SCN3A: variants seen among roughly 807,000 people sequenced by gnomAD.
SCN3A encodes sodium voltage-gated channel alpha subunit 3.
Under a neutral mutation model 187.6 loss-of-function variants are expected in SCN3A, and 60 were observed. That is an observed-to-expected ratio of 0.32 (90% CI 0.26 to 0.40). SCN3A has a LOEUF of 0.40. SCN3A is among the 10% of genes least tolerant of loss of function. The pLI, the probability that SCN3A is intolerant of heterozygous loss-of-function variation, is 1.00. For missense variants in SCN3A, 1,601 were observed against 2,428.2 expected (o/e 0.66, Z 7.16); for synonymous variants, 788 against 829.2 (o/e 0.95, Z 0.85).
chr2:165,196,517 G>T (rs1691973925), intron 1 of SCN3A, among the ~76,000 whole-genome samples: 1 of 152,068 alleles, frequency 6.6e-6, no homozygotes, highest in Admixed American at 6.6e-5. Context: ...TTCTCTGAAG[G>T]ACCTGTAGAG....
rs1477240711 is a variant in SCN3A at position 165,113,941 on chromosome 2, C to A, written c.3544G>T (p.Val1182Leu). The change falls in exon 20 of 28, where the codon GTA (valine) becomes TTA (leucine). Residue 1182 changes from valine (V) to leucine (L), a missense_variant. Physicochemically the swap from Val to Leu is conservative, Grantham distance 32. Transcript: ENST00000283254. ...GCIKKFPFCQ[V>L]STEEGKGKIW... ...TTCCCTTTGCCTTCTTCTGTACTTACTTGACAGAATGGAAACTTTTTAATA... is the reference window on the plus strand; with the variant it reads ...TTCCCTTTGCCTTCTTCTGTACTTAATTGACAGAATGGAAACTTTTTAATA... 6 of 1,608,770 alleles carry A rather than the reference C, an allele frequency of 3.7e-6. No individual in the cohort carries two copies. The highest frequency in any genetic ancestry group is 1.7e-4 in the Middle Eastern group (1 of 6,050).
chr2:165,201,414 A>G (rs753112887), intron 1 of SCN3A, among the ~76,000 whole-genome samples: 1 of 152,074 alleles, frequency 6.6e-6, no homozygotes, highest in African/African-American at 2.4e-5. Context: ...CACTAACGAT[A>G]ACAATAATAA....
chr2:165,181,288 G>A lies in SCN3A; in HGVS notation c.-50-4844C>T, dbSNP rs779935056. Among the ~76,000 whole-genome samples, 67 of 152,144 alleles carry A rather than the reference G, an allele frequency of 4.4e-4. 1 individual carries two copies. Among genetic ancestry groups the A allele is most frequent in the Middle Eastern group, 6.8e-3 (2 of 294 alleles). On this transcript the variant is annotated intron_variant, in intron 2 of 27. Transcript: ENST00000283254. Reference sequence around the variant, plus strand: ...TGTGAATATCCTTCTTTAATATCACGTCAAAACTCTACAAATGGTAGTTTA... The same window carrying A: ...TGTGAATATCCTTCTTTAATATCACATCAAAACTCTACAAATGGTAGTTTA...
rs776471502 is a variant in SCN3A, at chr2:165,088,523, T to C, written c.*1627A>G. 6.6e-6 allele frequency: 1 copy of C among 152,342 alleles called. No homozygotes were observed. The highest frequency in any genetic ancestry group is 2.4e-5 in the African/African-American group (1 of 41,398). The allele number at this position is 152,342 out of a possible 1,614,324, so 9.4% of individuals were successfully genotyped here. Reference sequence around the variant, plus strand: ...TGGTAGAAAATGATCTAGGTTTGAGTGTTTGACCAATGTATCTCCTATTGG... The same window carrying C: ...TGGTAGAAAATGATCTAGGTTTGAGCGTTTGACCAATGTATCTCCTATTGG... On this transcript the variant is annotated 3_prime_UTR_variant, in exon 28 of 28. Transcript: ENST00000283254.
chr2:165,160,114 G>C (rs1689267943), intron 9 of SCN3A, among the ~76,000 whole-genome samples: 1 of 130,490 alleles, frequency 7.7e-6, no homozygotes, highest in African/African-American at 3.2e-5. Context: ...GGGCGACAGA[G>C]CTAAACTCCG....
chr2:165,092,045 C>T lies in SCN3A; in HGVS notation c.4807+209G>A. The T allele has an allele frequency of 1.7e-6, 1 of 603,896 alleles. No individual in the cohort carries two copies. The highest frequency in any genetic ancestry group is 2.9e-6 in the Non-Finnish European group (1 of 341,828). 37.4% of individuals were successfully genotyped at this position (603,896 alleles called of 1,614,324 possible). A position where few individuals can be genotyped will look rare whatever the true frequency, so the allele number is the denominator to read the frequency against. On this transcript the variant is annotated intron_variant, in intron 27 of 27. Coordinates refer to ENST00000283254, the MANE Select transcript of SCN3A (RefSeq NM_006922.4). This position sits in a 1 kb window ranked among gnomAD's most constrained non-coding sequence, Gnocchi z 4.2. ...ATTTCCTGTCTTCTTCACCTCTTTC[C>T]CAAATCTGGTATTCCTAACATGGTT...
At position 165,179,033 on chromosome 2, in the gene SCN3A, C is replaced by T. The variant is rs184256380; in HGVS notation, c.-50-2589G>A. Among the ~76,000 whole-genome samples, 308 of 152,118 alleles carry T rather than the reference C, an allele frequency of 2.0e-3. 1 individual carries two copies. The highest frequency in any genetic ancestry group is 3.5e-3 in the Non-Finnish European group (239 of 68,022). ...TCTGTCTGATATCACCTGCCATGAA[C>T]TGAATGGCTGTGGCTCTTCTCCAGT... On this transcript the variant is annotated intron_variant, in intron 2 of 27. Transcript: ENST00000283254.
intron 12 of SCN3A, among the ~76,000 whole-genome samples, chr2:165,146,201 AC>A (rs1180804598): frequency 6.6e-6 from 1 of 151,992 alleles, no homozygotes; most frequent in Non-Finnish European, 1.5e-5. Context: ...TAAAGACAAA[AC>A]CCAAAGAACA....
intron 21 of SCN3A, among the ~76,000 whole-genome samples, chr2:165,112,605 A>G (rs1204799841): frequency 1.3e-5 from 2 of 152,144 alleles, no homozygotes; most frequent in Non-Finnish European, 2.9e-5. Flanking sequence ...TTACTTATCT[A>G]TTACTTACCT....
intron 13 of SCN3A, 113 bp from the exon 14 acceptor site, chr2:165,139,721 C>G: frequency 7.5e-7 from 1 of 1,338,710 alleles, no homozygotes; most frequent in Non-Finnish European, 1.1e-6. Flanking sequence ...TAAGAATTTT[C>G]AAGGAATAAA....
In SCN3A at chr2:165,092,901, A is replaced by T. The variant is rs1443743693; in HGVS notation, c.4537-377T>A. ...GTGAGACCTCATTTCTATTAAAAAAAAATTAGCCTGGTATGGTGGCACAGG... is the reference window on the plus strand; with the variant it reads ...GTGAGACCTCATTTCTATTAAAAAATAATTAGCCTGGTATGGTGGCACAGG... On this transcript the variant is annotated intron_variant, in intron 26 of 27. Coordinates refer to ENST00000283254, the MANE Select transcript of SCN3A (RefSeq NM_006922.4). This position sits in a 1 kb window ranked among gnomAD's most constrained non-coding sequence, Gnocchi z 4.2. 1 of 198,638 alleles carries T rather than the reference A, an allele frequency of 5.0e-6. No homozygotes were observed. The highest frequency in any genetic ancestry group is 2.4e-5 in the African/African-American group (1 of 41,478). The allele number at this position is 198,638 out of a possible 1,614,324, so 12.3% of individuals were successfully genotyped here.
intron 18 of SCN3A, among the ~76,000 whole-genome samples, chr2:165,118,667 T>A (rs1248452061): frequency 6.6e-6 from 1 of 152,086 alleles, no homozygotes; most frequent in East Asian, 1.9e-4. Flanking sequence ...GCTCACTGTA[T>A]CCTCAACATC....
intron 1 of SCN3A, among the ~76,000 whole-genome samples, chr2:165,193,751 G>C (rs1435484152): frequency 6.6e-6 from 1 of 152,052 alleles, no homozygotes; most frequent in East Asian, 1.9e-4. Flanking sequence ...ATTACTTCAA[G>C]ATGGCGGTGT....
intron 11 of SCN3A, among the ~76,000 whole-genome samples, chr2:165,148,836 A>T (rs1203685931): frequency 3.3e-5 from 5 of 152,246 alleles, no homozygotes; most frequent in African/African-American, 1.2e-4. Flanking sequence ...ATAATTCATG[A>T]TGTAAAATGA....
intron 1 of SCN3A, among the ~76,000 whole-genome samples, chr2:165,191,375 G>A (rs114906264): frequency 0.014 from 2,172 of 151,984 alleles, 59 homozygotes; most frequent in African/African-American, 0.049. Context: ...GCCCCCAGAA[G>A]CTACCCAGAA....
At chr2:165,132,355 G>A (rs1687385498) in intron 15 of SCN3A, among the ~76,000 whole-genome samples, 1 of 152,236 alleles carries the variant, frequency 6.6e-6, no homozygotes, top group South Asian at 2.1e-4. Context: ...AAAGCTGGAG[G>A]CATCACACTA....
chr2:165,090,746 C>G lies in SCN3A; in HGVS notation c.5407G>C (p.Asp1803His). The change falls in exon 28 of 28, where the codon GAT becomes CAT. Residue 1803 changes from aspartate to histidine, a missense_variant. This residue lies in a region of SCN3A where 110 missense variants were observed against 175.9 expected (regional missense o/e 0.63). Transcript: ENST00000283254. The surrounding 1 kb of genome is among the most constrained non-coding windows in gnomAD (Gnocchi z 4.0). ...FYEVWEKFDP[D>H]ATQFIEFSKL... ...GAGAACTCTATAAACTGGGTCGCAT[C>G]GGGATCAAACTTTTCCCAAACCTCA... 1 of 1,614,040 alleles carries G rather than the reference C, an allele frequency of 6.2e-7. No homozygotes were observed. Among genetic ancestry groups the G allele is most frequent in the South Asian group, 1.1e-5 (1 of 91,070 alleles).
At position 165,115,654 on chromosome 2, in the gene SCN3A, GA is replaced by G. The variant is rs61539996; in HGVS notation, c.3394-80del. ...ACTGGGAAATACTGTGTCATTGTGT[GA>G]AAAAAAAATAGTAGTGATAGCATTT... On this transcript the variant is annotated intron_variant, in intron 18 of 27. Coordinates refer to ENST00000283254, the MANE Select transcript of SCN3A (RefSeq NM_006922.4). 2,680 of 1,325,820 alleles carry G rather than the reference GA, an allele frequency of 2.0e-3. 6 individuals are homozygous for G. The highest frequency in any genetic ancestry group is 2.6e-3 in the Non-Finnish European group (2,410 of 933,350). The allele number at this position is 1,325,820 out of a possible 1,614,324, so 82.1% of individuals were successfully genotyped here. A position where few individuals can be genotyped will look rare whatever the true frequency, so the allele number is the denominator to read the frequency against.
rs897751720 is a variant in SCN3A, at chr2:165,140,847, C to G, written c.1823G>C (p.Arg608Thr). 3.7e-6 allele frequency: 6 copies of G among 1,614,126 alleles called. No individual in the cohort carries two copies. Among genetic ancestry groups the G allele is most frequent in the Non-Finnish European group, 5.1e-6 (6 of 1,180,012 alleles). ...TCTGTGCGGCACAAACAGTGAGTCTCTCCTGCTTTCGCTGTCTTCAAATGT... is the reference window on the plus strand; with the variant it reads ...TCTGTGCGGCACAAACAGTGAGTCTGTCCTGCTTTCGCTGTCTTCAAATGT... ...HSTFEDSESR[R>T]DSLFVPHRHG... is the part of the protein sequence containing the mutation. The change falls in exon 13 of 28, where the codon AGA becomes ACA. Residue 608 changes from arginine (R) to threonine (T), a missense_variant. Transcript: ENST00000283254. This position sits in a 1 kb window ranked among gnomAD's most constrained non-coding sequence, Gnocchi z 4.2.
Sources: allele counts gnomAD v4.1 joint callset (sites outside exome capture counted in the v4.1 genomes callset), GRCh38; gene constraint gnomAD v4.1.1; regional missense constraint gnomAD v4.1.1; non-coding constraint Gnocchi (gnomAD v3.1); transcripts MANE v1.5; gene names NCBI Gene and HGNC (gene_info 2026-07-23, HGNC 2026-07-21).